MTERF4: variants seen among roughly 807,000 people sequenced by gnomAD.
MTERF4 encodes the protein transcription termination factor 4, mitochondrial.
MTERF4 carries 17 observed loss-of-function variants against 22.5 expected under a neutral mutation model. The ratio of observed to expected loss-of-function variants is 0.75; its 90% CI spans 0.52 to 1.13. The LOEUF (loss-of-function observed/expected upper bound fraction) is 1.13. MTERF4 is among the 50% of genes most tolerant of loss of function. The pLI, the probability that MTERF4 is intolerant of heterozygous loss-of-function variation, is 0.00. For synonymous variants in MTERF4, 165 were observed against 175.3 expected (o/e 0.94, Z 0.47); for missense variants, 420 against 466.8 (o/e 0.90, Z 0.92).
downstream of MTERF4, chr2:241,071,692 GC>G: frequency 2.6e-6 from 4 of 1,527,460 alleles, no homozygotes; most frequent in Non-Finnish European, 3.5e-6. Context: ...TGACCACAGC[GC>G]CCCCGAGACC....
At chr2:241,044,571 C>G in the MTERF4 span, among the ~76,000 whole-genome samples, 8 of 152,190 alleles carry the variant, frequency 5.3e-5, no homozygotes, top group African/African-American at 1.9e-4. Flanking sequence ...GGTATCCCCC[C>G]AGCCAGGACT....
intron 1 of MTERF4, chr2:241,101,283 C>A: frequency 2.4e-6 from 1 of 419,220 alleles, no homozygotes. Flanking sequence ...GGAGCGCAAC[C>A]TGGACCCCTC....
downstream of MTERF4, chr2:241,071,676 G>C: frequency 6.4e-7 from 1 of 1,552,266 alleles, no homozygotes; most frequent in Admixed American, 1.9e-5. Context: ...AGCTGCGCCT[G>C]CTCAATGACC....
downstream of MTERF4, among the ~76,000 whole-genome samples, chr2:241,068,482 G>T (rs150241774): frequency 1.3e-5 from 2 of 152,080 alleles, no homozygotes; most frequent in Non-Finnish European, 2.9e-5. The surrounding 1 kb of genome is among the most constrained non-coding windows in gnomAD (Gnocchi z 5.3). Context: ...ATCGGAGAGC[G>T]AGTGGGAAGG....
At chr2:241,074,138 C>G (rs1241037690) in exon 5 of MTERF4, 1 of 152,298 alleles carries the variant, frequency 6.6e-6, no homozygotes, top group Non-Finnish European at 1.5e-5. Flanking sequence ...CCAAAGAAGT[C>G]CTAGTACTTG....
chr2:241,072,976 G>A lies in MTERF4; in HGVS notation n.3186C>T, dbSNP rs77193759. The A allele has an allele frequency of 0.012, 5,483 of 455,540 alleles. 322 individuals are homozygous for A. The East Asian group carries it at 0.13, about 11-fold the overall frequency. The allele number at this position is 455,540 out of a possible 1,614,324, so 28.2% of individuals were successfully genotyped here. ...TAAGAAGAAAGCAACCGCATCAGCC[G>A]TGAGGATGGGGCCTCTCAGCATGAT... On this transcript the variant is annotated non_coding_transcript_exon_variant, in exon 5 of 5. Transcript: ENST00000464344.
chr2:241,047,861 GCT>G, the MTERF4 span, among the ~76,000 whole-genome samples: 18 of 151,964 alleles, frequency 1.2e-4, no homozygotes, highest in East Asian at 2.9e-3. Flanking sequence ...ATCCCGGGTG[GCT>G]TCTCTGGTGC....
At chr2:241,052,634 C>T in the MTERF4 span, among the ~76,000 whole-genome samples, 28 of 102,296 alleles carry the variant, frequency 2.7e-4, no homozygotes, top group African/African-American at 5.1e-4. Context: ...GGTGAGAGGG[C>T]CGGGGGGCCA....
At chr2:241,052,643 C>T in the MTERF4 span, among the ~76,000 whole-genome samples, 149 of 94,664 alleles carry the variant, frequency 1.6e-3, no homozygotes, top group Middle Eastern at 0.025. Flanking sequence ...GCCGGGGGGC[C>T]AAGCAGGGTA....
At chr2:241,061,214 T>C in the MTERF4 span, among the ~76,000 whole-genome samples, 1 of 151,682 alleles carries the variant, frequency 6.6e-6, no homozygotes, top group East Asian at 1.9e-4. Context: ...AAAAAAAACA[T>C]GCATAGGCAT....
downstream of MTERF4, chr2:241,087,733 G>C (rs1255440270): frequency 9.2e-6 from 12 of 1,303,900 alleles, no homozygotes; most frequent in Non-Finnish European, 1.2e-5. Flanking sequence ...TATTCACACA[G>C]AACATGGTGC....
rs998299463 is a variant in MTERF4 at position 241,072,557 on chromosome 2, C to T, written n.3605G>A. ...AGCCTAGTCACCAGTTTAATGAACA[C>T]GCTCTGAGCAAAAACTCCTCAGGCA... On this transcript the variant is annotated non_coding_transcript_exon_variant, in exon 5 of 5. Transcript: ENST00000464344. 2.7e-5 allele frequency: 8 copies of T among 296,962 alleles called. No individual in the cohort carries two copies. In the East Asian group the frequency reaches 3.1e-4, roughly 11 times the overall value. 18.4% of individuals were successfully genotyped at this position (296,962 alleles called of 1,614,324 possible). A position where few individuals can be genotyped will look rare whatever the true frequency, so the allele number is the denominator to read the frequency against.
At chr2:241,099,048 C>T (rs1377636335) in intron 2 of MTERF4, 1 of 202,646 alleles carries the variant, frequency 4.9e-6, no homozygotes. Context: ...CTGCTCTTTC[C>T]CCACCTCTGG....
chr2:241,064,831 T>C, the MTERF4 span: 9 of 1,568,694 alleles, frequency 5.7e-6, no homozygotes, highest in Admixed American at 1.4e-4. This position sits in a 1 kb window ranked among gnomAD's most constrained non-coding sequence, Gnocchi z 7.0. Context: ...ACTGCCACTT[T>C]TTCTCCCCTC....
chr2:241,051,132 G>C, the MTERF4 span: 2 of 152,382 alleles, frequency 1.3e-5, no homozygotes, highest in Non-Finnish European at 2.9e-5. The surrounding 1 kb of genome is among the most constrained non-coding windows in gnomAD (Gnocchi z 4.7). Context: ...AACACCCAGG[G>C]GTCCAAGGAT....
the MTERF4 span, chr2:241,048,350 C>A: frequency 1.9e-6 from 3 of 1,611,140 alleles, no homozygotes; most frequent in East Asian, 6.7e-5. Flanking sequence ...CCTCTCGGCC[C>A]CTTGCCACAA....
At chr2:241,064,100 C>T in the MTERF4 span, 1 of 1,566,128 alleles carries the variant, frequency 6.4e-7, no homozygotes, top group East Asian at 2.4e-5. This position sits in a 1 kb window ranked among gnomAD's most constrained non-coding sequence, Gnocchi z 7.0. Flanking sequence ...GCCCAGAGAG[C>T]TTCTTCGGCT....
the MTERF4 span, chr2:241,065,509 C>T: frequency 2.5e-5 from 41 of 1,612,982 alleles, no homozygotes; most frequent in East Asian, 9.1e-4. Flanking sequence ...GCCGGCAGGG[C>T]CTACAACATC....
Position 241,073,598 on chromosome 2 carries a change from C to T in MTERF4, n.2564G>A. 1.7e-6 allele frequency: 1 copy of T among 586,498 alleles called. No individual in the cohort carries two copies. Among genetic ancestry groups the T allele is most frequent in the Non-Finnish European group, 3.1e-6 (1 of 326,846 alleles). 36.3% of individuals were successfully genotyped at this position (586,498 alleles called of 1,614,324 possible). On this transcript the variant is annotated non_coding_transcript_exon_variant, in exon 5 of 5. Transcript: ENST00000464344. The surrounding 1 kb of genome is among the most constrained non-coding windows in gnomAD (Gnocchi z 6.6). ...CAGGGGGCAGGACCCACCCAAACCACCCAGAGTCTGAGCTAGAGAGACTGG... is the reference window on the plus strand; with the variant it reads ...CAGGGGGCAGGACCCACCCAAACCATCCAGAGTCTGAGCTAGAGAGACTGG...
Sources: allele counts gnomAD v4.1 joint callset (sites outside exome capture counted in the v4.1 genomes callset), GRCh38; gene constraint gnomAD v4.1.1; non-coding constraint Gnocchi (gnomAD v3.1); transcripts MANE v1.5; gene names NCBI Gene and HGNC (gene_info 2026-07-23, HGNC 2026-07-21).